Variants in OR4F5 observed in about 807,000 individuals in gnomAD.
OR4F5 encodes olfactory receptor 4F5.
OR4F5 carries 1 observed loss-of-function variant against 5.8 expected under a neutral mutation model. That is an observed-to-expected ratio of 0.17 (90% confidence interval 0.06 to 0.82). The LOEUF is 0.82. Among genes scored for constraint, OR4F5 ranks in the 40% least tolerant of loss-of-function variants. The probability of loss-of-function intolerance (pLI) is 0.72; values close to 1 mark genes in which losing one functional copy is unlikely to be tolerated. For missense variants in OR4F5, 47 were observed against 175.5 expected (o/e 0.27, Z 4.14); for synonymous variants, 18 against 63.7 (o/e 0.28, Z 3.42).
At chr1:66,270 A>T (rs1182451342) in intron 2 of OR4F5, among the ~76,000 whole-genome samples, 691 of 30,962 alleles carry the variant, frequency 0.022, 154 homozygotes, top group Non-Finnish European at 0.031. Context: ...TATAAATATA[A>T]TATAAATTAT....
intron 2 of OR4F5, among the ~76,000 whole-genome samples, chr1:66,466 AAT>A (rs1639946288): frequency 1.9e-5 from 1 of 51,328 alleles, no homozygotes; most frequent in African/African-American, 5.9e-5. Flanking sequence ...TTTATTATAT[AAT>A]ATATATTATA....
chr1:66,059 A>C (rs1184414335), intron 2 of OR4F5, among the ~76,000 whole-genome samples: 1 of 118,834 alleles, frequency 8.4e-6, no homozygotes, highest in African/African-American at 2.7e-5. Context: ...TAAGGCCCAG[A>C]GATTTTTAAA....
chr1:66,210 A>T lies in OR4F5; in HGVS notation c.9+637A>T, dbSNP rs1261785055. ...TATATATTTATATATATTACATATT[A>T]TATATATAATATATATTATATAATA... On this transcript the variant is annotated intron_variant, in intron 2 of 2. Coordinates refer to ENST00000641515, the MANE Select transcript of OR4F5 (RefSeq NM_001005484.2). 1.3e-4 allele frequency among the ~76,000 whole-genome samples: 10 copies of T among 75,078 alleles called. 1 individual carries two copies. Among genetic ancestry groups the T allele is most frequent in the African/African-American group, 3.8e-4 (10 of 26,218 alleles). 49.3% of individuals were successfully genotyped at this position (75,078 alleles called of 152,430 possible).
intron 2 of OR4F5, among the ~76,000 whole-genome samples, chr1:66,167 T>C (rs1220094985): frequency 4.5e-4 from 41 of 91,816 alleles, no homozygotes; most frequent in African/African-American, 1.3e-3. Context: ...CATTTATATA[T>C]ATATATATTA....
intron 2 of OR4F5, among the ~76,000 whole-genome samples, chr1:66,248 TATA>T (rs1204144179): frequency 6.2e-5 from 1 of 16,206 alleles, no homozygotes; most frequent in Non-Finnish European, 1.4e-4. Context: ...TATTATATTA[TATA>T]ATATATAATA....
At position 68,377 on chromosome 1, in the gene OR4F5, T is replaced by G. The variant is rs919830185; in HGVS notation, c.10-660T>G. Among the ~76,000 whole-genome samples, 3 of 102,518 alleles carry G rather than the reference T, an allele frequency of 2.9e-5. 1 individual carries two copies. The highest frequency in any genetic ancestry group is 7.4e-5 in the Non-Finnish European group (3 of 40,764). The allele number at this position is 102,518 out of a possible 152,430, so 67.3% of individuals were successfully genotyped here. ...AAGCTCCCTCCCTTCCAATTCACAT[T>G]GAGTCCAGAGCTAAATTAAACAATC... On this transcript the variant is annotated intron_variant, in intron 2 of 2. Transcript: ENST00000641515.
chr1:66,338 A>G (rs1223807560), intron 2 of OR4F5, among the ~76,000 whole-genome samples: 43 of 36,280 alleles, frequency 1.2e-3, no homozygotes, highest in African/African-American at 2.8e-3. Flanking sequence ...TATATATTTT[A>G]TTATATAATA....
intron 2 of OR4F5, among the ~76,000 whole-genome samples, chr1:66,498 ATATTT>A (rs1180285732): frequency 8.8e-5 from 7 of 79,356 alleles, no homozygotes; most frequent in Admixed American, 2.1e-4. Context: ...AATATAATAT[ATATTT>A]TATTATATAA....
intron 2 of OR4F5, among the ~76,000 whole-genome samples, chr1:66,337 T>TAA (rs1639940243): frequency 2.2e-5 from 1 of 44,924 alleles, no homozygotes; most frequent in African/African-American, 6.2e-5. Context: ...ATATATATTT[T>TAA]ATTATATAAT....
intron 2 of OR4F5, among the ~76,000 whole-genome samples, chr1:68,375 A>T (rs1388200211): frequency 9.7e-6 from 1 of 102,964 alleles, no homozygotes; most frequent in African/African-American, 2.8e-5. Context: ...TCCAATTCAC[A>T]TTGAGTCCAG....
Position 66,672 on chromosome 1 carries a change from G to A in OR4F5, c.9+1099G>A, listed in dbSNP as rs1639952203. Among the ~76,000 whole-genome samples, 26 of 114,212 alleles carry A rather than the reference G, an allele frequency of 2.3e-4. 1 individual carries two copies. In the South Asian group the frequency reaches 6.5e-3, roughly 28 times the overall value. The allele number at this position is 114,212 out of a possible 152,430, so 74.9% of individuals were successfully genotyped here. A position where few individuals can be genotyped will look rare whatever the true frequency, so the allele number is the denominator to read the frequency against. ...TCCAAGAATAATCTATGGCATGAAAGATTTTACCTGTCAACAGTGGCTGGC... is the reference window on the plus strand; with the variant it reads ...TCCAAGAATAATCTATGGCATGAAAAATTTTACCTGTCAACAGTGGCTGGC... On this transcript the variant is annotated intron_variant, in intron 2 of 2. Coordinates refer to ENST00000641515, the MANE Select transcript of OR4F5 (RefSeq NM_001005484.2).
chr1:66,089 CTG>C (rs1639932490), intron 2 of OR4F5, among the ~76,000 whole-genome samples: 2 of 115,904 alleles, frequency 1.7e-5, no homozygotes, highest in South Asian at 2.4e-4. Flanking sequence ...CATGATCACA[CTG>C]TGAATTTGTG....
chr1:66,362 AT>A lies in OR4F5; in HGVS notation c.9+790del, dbSNP rs1247055709. ...TATTATATAATATAATATATATTAT[AT>A]AAATATAATATATAAATTATATAAT... On this transcript the variant is annotated intron_variant, in intron 2 of 2. Transcript: ENST00000641515. Among the ~76,000 whole-genome samples the A allele has an allele frequency of 9.0e-5, 4 of 44,370 alleles. 1 individual carries two copies. Among genetic ancestry groups the A allele is most frequent in the East Asian group, 2.9e-4 (1 of 3,436 alleles). 29.1% of individuals were successfully genotyped at this position (44,370 alleles called of 152,430 possible). A position where few individuals can be genotyped will look rare whatever the true frequency, so the allele number is the denominator to read the frequency against.
intron 2 of OR4F5, among the ~76,000 whole-genome samples, chr1:66,528 T>TATA (rs1172761500): frequency 1.2e-5 from 1 of 84,162 alleles, no homozygotes; most frequent in Non-Finnish European, 2.5e-5. Context: ...TATTATATAA[T>TATA]ATATATTATA....
chr1:69,816 G>A lies in OR4F5; in HGVS notation c.789G>A (p.Leu263=). 2.1e-6 allele frequency: 1 copy of A among 465,312 alleles called. No homozygotes were observed. 28.8% of individuals were successfully genotyped at this position (465,312 alleles called of 1,614,324 possible). A position where few individuals can be genotyped will look rare whatever the true frequency, so the allele number is the denominator to read the frequency against. The change falls in exon 3 of 3, where the codon TTG becomes TTA. Residue 263 remains leucine, a synonymous_variant. Transcript: ENST00000641515. ...CTGCTCACATTACAGTAGTTCTTTT[G>A]TTCTTTGGACCATGTGTCTTTATTT... ...TLTAHITVVL[L]FFGPCVFIYA... is the part of the protein sequence containing the mutation.
At chr1:66,503 TTATTATATAATA>T (rs1639947322) in intron 2 of OR4F5, among the ~76,000 whole-genome samples, 1 of 60,134 alleles carries the variant, frequency 1.7e-5, no homozygotes, top group African/African-American at 4.7e-5. Context: ...AATATATATT[TTATTATATAATA>T]TATATTATAT....
At chr1:66,448 A>T (rs1570408551) in intron 2 of OR4F5, among the ~76,000 whole-genome samples, 1 of 77,664 alleles carries the variant, frequency 1.3e-5, no homozygotes, top group Non-Finnish European at 2.4e-5. Flanking sequence ...ATATTATATA[A>T]TATATATTTT....
intron 2 of OR4F5, among the ~76,000 whole-genome samples, chr1:66,598 T>A (rs867677167): frequency 0.029 from 2,544 of 89,052 alleles, 99 homozygotes; most frequent in Non-Finnish European, 0.049. Context: ...ATAAATATAT[T>A]TATATATTAT....
At chr1:66,236 T>TTAC (rs1639935612) in intron 2 of OR4F5, among the ~76,000 whole-genome samples, 23 of 51,946 alleles carry the variant, frequency 4.4e-4, no homozygotes, top group African/African-American at 1.2e-3. Flanking sequence ...TTATATAATA[T>TTAC]ATATTATATT....
Sources: allele counts gnomAD v4.1 joint callset (sites outside exome capture counted in the v4.1 genomes callset), GRCh38; gene constraint gnomAD v4.1.1; transcripts MANE v1.5; gene names NCBI Gene and HGNC (gene_info 2026-07-23, HGNC 2026-07-21).